Variants in DMD observed in about 807,000 individuals in gnomAD.
The protein encoded by DMD is dystrophin.
In DMD, 63 loss-of-function variants were observed where a neutral mutation model predicts 330.1. The observed-to-expected ratio is 0.19, with a 90% CI of 0.16 to 0.24. DMD has a LOEUF of 0.24. Among genes scored for constraint, DMD ranks in the 10% least tolerant of loss-of-function variants. The pLI is 1.00. For synonymous variants in DMD, 1,223 were observed against 959.8 expected (o/e 1.27, Z -5.07); for missense variants, 3,344 against 2,684.1 (o/e 1.25, Z -5.43).
chrX:32,408,525 A>T (rs776131116), intron 30 of DMD, among the ~76,000 whole-genome samples: 1 of 111,841 alleles, frequency 8.9e-6, no homozygotes, highest in East Asian at 2.8e-4. Flanking sequence ...CTTAAAATGC[A>T]GAAAAAATAA....
chrX:31,511,821 T>A (rs2071633720), intron 55 of DMD, among the ~76,000 whole-genome samples: 1 of 102,700 alleles, frequency 9.7e-6, no homozygotes, highest in African/African-American at 3.6e-5. Context: ...TATAGCAGCA[T>A]GATTTATAGT....
At chrX:32,114,909 G>A (rs1471970842) in intron 44 of DMD, among the ~76,000 whole-genome samples, 1 of 112,096 alleles carries the variant, frequency 8.9e-6, no homozygotes, top group Non-Finnish European at 1.9e-5. Flanking sequence ...TTTGATGCAT[G>A]CTTCCAGTGA....
chrX:32,679,758 A>C (rs935843936), intron 9 of DMD, among the ~76,000 whole-genome samples: 7 of 109,586 alleles, frequency 6.4e-5, no homozygotes, highest in African/African-American at 2.3e-4. Flanking sequence ...AAACACTTAA[A>C]ACATGCTGAA....
intron 9 of DMD, among the ~76,000 whole-genome samples, chrX:32,682,651 T>C (rs1293597394): frequency 8.9e-6 from 1 of 112,255 alleles, no homozygotes; most frequent in South Asian, 3.6e-4. Context: ...TCATAGTTCA[T>C]TTTGTCCTTA....
At chrX:33,007,596 A>T (rs962886202) in intron 2 of DMD, among the ~76,000 whole-genome samples, 3 of 111,549 alleles carry the variant, frequency 2.7e-5, no homozygotes, top group Non-Finnish European at 3.8e-5. Context: ...ACAAATATAG[A>T]GAACGTCAGA....
At chrX:32,903,144 C>CAAAAAAAA (rs34973696) in intron 2 of DMD, among the ~76,000 whole-genome samples, 7 of 32,983 alleles carry the variant, frequency 2.1e-4, no homozygotes, top group East Asian at 2.7e-3. Context: ...GACTCAGTCT[C>CAAAAAAAA]AAAAAAAAAA....
chrX:32,087,038 A>T, intron 44 of DMD, among the ~76,000 whole-genome samples: 1 of 111,786 alleles, frequency 8.9e-6, no homozygotes, highest in Middle Eastern at 4.6e-3. Context: ...AAACGAGAGT[A>T]GTATCCTTAT....
rs144829645 is a variant in DMD, at chrX:32,845,754, C to G, written c.187-894G>C. On this transcript the variant is annotated intron_variant, in intron 3 of 78. Transcript: ENST00000357033. ...GACTGCCTGGGTTCAATTGTCAGCT[C>G]TGCTGTTTTTGTGCTGTCTGGCCTA... 7.7e-3 allele frequency among the ~76,000 whole-genome samples: 866 copies of G among 112,244 alleles called. 7 individuals carry two copies. Among genetic ancestry groups the G allele is most frequent in the South Asian group, 0.047 (129 of 2,721 alleles).
intron 51 of DMD, among the ~76,000 whole-genome samples, chrX:31,743,694 G>A (rs2087563016): frequency 9.0e-6 from 1 of 111,279 alleles, no homozygotes; most frequent in Non-Finnish European, 1.9e-5. Context: ...ACTAGAGTGG[G>A]GAGGGAGGGA....
At chrX:31,191,497 T>C (rs959932965) in intron 67 of DMD, among the ~76,000 whole-genome samples, 1 of 110,761 alleles carries the variant, frequency 9.0e-6, no homozygotes, top group African/African-American at 3.3e-5. Flanking sequence ...TGGGAGGTGA[T>C]TGACTTATGG....
At chrX:31,410,891 G>A (rs1055968930) in intron 60 of DMD, among the ~76,000 whole-genome samples, 3 of 103,001 alleles carry the variant, frequency 2.9e-5, no homozygotes, top group Non-Finnish European at 5.9e-5. Context: ...GGCATGTACC[G>A]CCATACCTGG....
chrX:32,795,765 T>TA lies in DMD; in HGVS notation c.649+13727dup, dbSNP rs768961082. ...ACGAGGATCCCAAACAATTTAACAG[T>TA]AAAAAAATAATCACATTAAAAATGG... On this transcript the variant is annotated intron_variant, in intron 7 of 78. Coordinates refer to ENST00000357033, the MANE Select transcript of DMD (RefSeq NM_004006.3). 3.5e-3 allele frequency among the ~76,000 whole-genome samples: 391 copies of TA among 110,821 alleles called. 2 individuals carry two copies. The highest frequency in any genetic ancestry group is 0.012 in the African/African-American group (370 of 30,477).
intron 2 of DMD, among the ~76,000 whole-genome samples, chrX:32,894,297 C>A (rs1485248345): frequency 9.0e-6 from 1 of 111,528 alleles, no homozygotes; most frequent in African/African-American, 3.3e-5. Flanking sequence ...AACCCATAGC[C>A]AGCAAACGAG....
chrX:32,287,582 G>A lies in DMD; in HGVS notation c.6237C>T (p.Ser2079=), dbSNP rs1391832014. ...CTTTTTCCCATTGGAAATCAAGCTG[G>A]GAGAGAGCTTCCTGTAGCTTCACCC... The part of the protein sequence containing the change: ...VERVKLQEAL[S]QLDFQWEKVN... The change falls in exon 43 of 79, where the codon TCC becomes TCT. Residue 2079 remains serine, a synonymous_variant. Coordinates refer to ENST00000357033, the MANE Select transcript of DMD (RefSeq NM_004006.3). The A allele has an allele frequency of 8.3e-7, 1 of 1,209,017 alleles. No individual in the cohort carries two copies. The highest frequency in any genetic ancestry group is 1.1e-6 in the Non-Finnish European group (1 of 894,782).
chrX:32,692,082 A>T (rs1200721452), intron 9 of DMD, among the ~76,000 whole-genome samples: 1 of 112,192 alleles, frequency 8.9e-6, no homozygotes, highest in Admixed American at 9.5e-5. Flanking sequence ...CTGTTGTACA[A>T]CTTGTACCTA....
chrX:32,681,476 G>C (rs2062419458), intron 9 of DMD, among the ~76,000 whole-genome samples: 1 of 111,632 alleles, frequency 9.0e-6, no homozygotes. Context: ...AGGTTGATGG[G>C]ATTAATAATT....
intron 2 of DMD, among the ~76,000 whole-genome samples, chrX:32,977,210 G>A (rs1345674787): frequency 9.0e-6 from 1 of 110,832 alleles, no homozygotes; most frequent in Non-Finnish European, 1.9e-5. Context: ...TGAGACAGGA[G>A]AATCGCTTGA....
At chrX:32,679,902 CTTTTTTTTTTTTTTTTTTTTTTT>C (rs766270656) in intron 9 of DMD, among the ~76,000 whole-genome samples, 1 of 23,580 alleles carries the variant, frequency 4.2e-5, no homozygotes, top group African/African-American at 1.8e-4. Context: ...AATATTTGTA[CTTTTTTTTTTTTTTTTTTTTTTT>C]TTTTTTTGAG....
rs1450410756 is a variant in DMD, at chrX:33,156,267, T to C, written c.31+55015A>G. Among the ~76,000 whole-genome samples the C allele has an allele frequency of 4.5e-5, 5 of 112,065 alleles. No individual in the cohort carries two copies. The South Asian group carries it at 1.9e-3, about 42-fold the overall frequency. Reference sequence around the variant, plus strand: ...ATACTCCAAAACTTGTCCATCTGAGTATCAATGGAAAATCTTGCTCTTTAT... The same window carrying C: ...ATACTCCAAAACTTGTCCATCTGAGCATCAATGGAAAATCTTGCTCTTTAT... On this transcript the variant is annotated intron_variant, in intron 1 of 78. Coordinates refer to ENST00000357033, the MANE Select transcript of DMD (RefSeq NM_004006.3).
Sources: allele counts gnomAD v4.1 joint callset (sites outside exome capture counted in the v4.1 genomes callset), GRCh38; gene constraint gnomAD v4.1.1; transcripts MANE v1.5; gene names NCBI Gene and HGNC (gene_info 2026-07-23, HGNC 2026-07-21).